AFG2A: variants seen among roughly 807,000 people sequenced by gnomAD.
AFG2A encodes ATPase family gene 2 protein homolog A.
the AFG2A span, among the ~76,000 whole-genome samples, chr4:123,081,138 G>T: frequency 6.6e-6 from 1 of 152,046 alleles, no homozygotes; most frequent in East Asian, 1.9e-4. Flanking sequence ...TTAACATTAG[G>T]GTTAACTCTT....
At chr4:123,189,988 C>T in the AFG2A span, among the ~76,000 whole-genome samples, 1 of 151,292 alleles carries the variant, frequency 6.6e-6, no homozygotes, top group Non-Finnish European at 1.5e-5. Flanking sequence ...TTTTAAGAGA[C>T]AGGGTCTCCC....
At chr4:123,098,799 A>G in the AFG2A span, among the ~76,000 whole-genome samples, 8 of 151,998 alleles carry the variant, frequency 5.3e-5, no homozygotes, top group South Asian at 1.7e-3. Flanking sequence ...CATGACTTGG[A>G]TATTGTGAAT....
At chr4:123,131,911 G>GTTAATAACATTTTATATTCGTTCA in the AFG2A span, among the ~76,000 whole-genome samples, 1 of 151,726 alleles carries the variant, frequency 6.6e-6, no homozygotes, top group Non-Finnish European at 1.5e-5. Flanking sequence ...ATTTTCCACA[G>GTTAATAACATTTTATATTCGTTCA]CAGCTGCACC....
At chr4:122,996,795 C>A in the AFG2A span, among the ~76,000 whole-genome samples, 1 of 152,074 alleles carries the variant, frequency 6.6e-6, no homozygotes, top group Non-Finnish European at 1.5e-5. Flanking sequence ...CTCAGTGAGA[C>A]TGAAGGCCTG....
At chr4:123,230,878 T>A in the AFG2A span, among the ~76,000 whole-genome samples, 1 of 151,952 alleles carries the variant, frequency 6.6e-6, no homozygotes, top group Non-Finnish European at 1.5e-5. Flanking sequence ...ACACTGAAAA[T>A]GATCAGTAAT....
At chr4:123,125,673 A>G in the AFG2A span, among the ~76,000 whole-genome samples, 2 of 152,168 alleles carry the variant, frequency 1.3e-5, no homozygotes, top group African/African-American at 4.8e-5. Context: ...CTTTGATGAC[A>G]TGACACTTTT....
chr4:123,249,058 A>C, the AFG2A span, among the ~76,000 whole-genome samples: 7 of 152,228 alleles, frequency 4.6e-5, no homozygotes, highest in African/African-American at 1.7e-4. Context: ...TTTGAGCTAG[A>C]ATTTTCCTCC....
chr4:123,151,291 G>A, the AFG2A span, among the ~76,000 whole-genome samples: 1 of 152,140 alleles, frequency 6.6e-6, no homozygotes, highest in African/African-American at 2.4e-5. Flanking sequence ...AAACTAAAGA[G>A]CTTCTGCACA....
At chr4:122,994,890 TA>T in the AFG2A span, among the ~76,000 whole-genome samples, 1 of 152,136 alleles carries the variant, frequency 6.6e-6, no homozygotes, top group Non-Finnish European at 1.5e-5. Context: ...TTTTCTTAAT[TA>T]TATGAATAAT....
the AFG2A span, among the ~76,000 whole-genome samples, chr4:123,263,480 T>C: frequency 6.6e-6 from 1 of 152,212 alleles, no homozygotes; most frequent in Admixed American, 6.5e-5. Context: ...ATGGAGATTT[T>C]ACATCTCAAA....
the AFG2A span, among the ~76,000 whole-genome samples, chr4:123,201,689 C>G: frequency 6.6e-6 from 1 of 152,094 alleles, no homozygotes; most frequent in African/African-American, 2.4e-5. Flanking sequence ...GAGGCCAAGG[C>G]GGGCAGATTG....
At chr4:123,151,743 CAGAA>C in the AFG2A span, among the ~76,000 whole-genome samples, 4 of 152,130 alleles carry the variant, frequency 2.6e-5, no homozygotes, top group South Asian at 2.1e-4. Context: ...GATCTAGAAA[CAGAA>C]AGACCATTTG....
the AFG2A span, among the ~76,000 whole-genome samples, chr4:123,270,454 G>A: frequency 6.6e-6 from 1 of 152,160 alleles, no homozygotes; most frequent in African/African-American, 2.4e-5. Context: ...ATTGATTAAT[G>A]TTTAATATTG....
chr4:123,206,778 C>G, the AFG2A span, among the ~76,000 whole-genome samples: 1 of 152,030 alleles, frequency 6.6e-6, no homozygotes, highest in Admixed American at 6.6e-5. Context: ...TTTTTCTCAT[C>G]TGACAGTAGC....
At chr4:122,982,709 TAGGTTGTATGTTTC>T in the AFG2A span, among the ~76,000 whole-genome samples, 1 of 152,094 alleles carries the variant, frequency 6.6e-6, no homozygotes, top group African/African-American at 2.4e-5. Flanking sequence ...TCATTTTTGG[TAGGTTGTATGTTTC>T]TGGGAATTTC....
At chr4:123,145,396 C>T in the AFG2A span, among the ~76,000 whole-genome samples, 1 of 152,148 alleles carries the variant, frequency 6.6e-6, no homozygotes, top group South Asian at 2.1e-4. Context: ...ACACAGGAGT[C>T]CTTCAGATAA....
chr4:123,298,036 TC>T, the AFG2A span, among the ~76,000 whole-genome samples: 145 of 151,886 alleles, frequency 9.5e-4, no homozygotes, highest in African/African-American at 3.2e-3. Flanking sequence ...CTTCACTTCC[TC>T]CCCCTAGAAA....
chr4:123,177,658 G>A, the AFG2A span, among the ~76,000 whole-genome samples: 1 of 152,160 alleles, frequency 6.6e-6, no homozygotes, highest in Admixed American at 6.5e-5. Context: ...GATATTAACA[G>A]CATAGATTCT....
the AFG2A span, among the ~76,000 whole-genome samples, chr4:123,246,090 G>T: frequency 3.3e-5 from 5 of 152,156 alleles, no homozygotes; most frequent in South Asian, 2.1e-4. Flanking sequence ...TTAAGATCCA[G>T]GTTTTAATTT....
Sources: gnomAD v4.1 joint callset for allele counts (sites outside exome capture counted in the v4.1 genomes callset) on GRCh38, gnomAD v4.1.1 for gene constraint, MANE v1.5 for transcripts, NCBI Gene and HGNC (gene_info 2026-07-23, HGNC 2026-07-21) for gene names.